Variants in SLC7A9 observed in about 807,000 individuals in gnomAD.
SLC7A9 encodes solute carrier family 7 member 9.
In SLC7A9, 38 loss-of-function variants were observed where a neutral mutation model predicts 54.1. The observed-to-expected ratio is 0.70, with a 90% confidence interval of 0.54 to 0.92. The LOEUF (loss-of-function observed/expected upper bound fraction) is 0.92, where lower values mean the gene tolerates loss of function less well. SLC7A9 is among the 40% of genes least tolerant of loss of function. The pLI, the probability that SLC7A9 is intolerant of heterozygous loss-of-function variation, is 0.00. For missense variants in SLC7A9, 537 were observed against 636.1 expected (o/e 0.84, Z 1.68); for synonymous variants, 264 against 258.9 (o/e 1.02, Z -0.19).
In SLC7A9 at chr19:32,864,677, C is replaced by T. The variant is rs1395997436; in HGVS notation, c.187G>A (p.Gly63Arg). ...GCCGCCCATATGATGAGGCAGGGCC[C>T]CACAGCTTCCGTGTTGCTGAGCACA... is the stretch of plus-strand genomic sequence containing the variant. ...KSVLSNTEAV[G>R]PCLIIWAACG... Residue 63 changes from glycine (G) to arginine (R), a missense_variant, in exon 3 of 13, where the codon GGG (glycine) becomes AGG (arginine). By Grantham distance (125) the Gly-to-Arg change is moderately radical (BLOSUM62 -2). Coordinates refer to ENST00000023064, the MANE Select transcript of SLC7A9 (RefSeq NM_014270.5). 2.5e-6 allele frequency: 4 copies of T among 1,614,160 alleles called. No individual in the cohort carries two copies. Among genetic ancestry groups the T allele is most frequent in the Non-Finnish European group, 2.5e-6 (3 of 1,180,034 alleles).
intron 2 of SLC7A9, among the ~76,000 whole-genome samples, chr19:32,865,417 A>G (rs977886010): frequency 2.0e-5 from 3 of 152,022 alleles, no homozygotes; most frequent in African/African-American, 7.2e-5. Context: ...AATCCTCCCA[A>G]CTCAGCCTCC....
At chr19:32,844,450 C>G (rs919670172) in intron 9 of SLC7A9, among the ~76,000 whole-genome samples, 1 of 152,092 alleles carries the variant, frequency 6.6e-6, no homozygotes, top group Admixed American at 6.6e-5. Flanking sequence ...TATCCTTTAG[C>G]AAGTCTCTCT....
rs112676049 is a variant in SLC7A9, at chr19:32,843,960, T to C, written c.978-9A>G. 8.1e-6 allele frequency: 13 copies of C among 1,605,180 alleles called. 1 individual carries two copies. In the African/African-American group the frequency reaches 1.3e-4, roughly 17 times the overall value. On this transcript the variant is annotated splice_polypyrimidine_tract_variant and intron_variant, in intron 9 of 12. Transcript: ENST00000023064. ...CCGCCACGTAAATGAGTCTGGAAAATAACGACACGGGAGTCCGCTGACCAG... is the reference window on the plus strand; with the variant it reads ...CCGCCACGTAAATGAGTCTGGAAAACAACGACACGGGAGTCCGCTGACCAG...
rs2287876 is a variant in SLC7A9, at chr19:32,869,746, A to T, written c.-172T>A. The T allele has an allele frequency of 0.63, 96,354 of 151,986 alleles. 32,093 individuals carry two copies. Among genetic ancestry groups the T allele is most frequent in the Non-Finnish European group, 0.75 (50,801 of 68,016 alleles). The allele number at this position is 151,986 out of a possible 1,614,324, so 9.4% of individuals were successfully genotyped here. On this transcript the variant is annotated 5_prime_UTR_variant, in exon 1 of 13. Coordinates refer to ENST00000023064, the MANE Select transcript of SLC7A9 (RefSeq NM_014270.5). ...GGCCCAGCTGACCGCCCGTGCCTGC[A>T]CGGTCCAACCCTAGAAATGGCCATG...
chr19:32,855,426 G>A (rs567417404), intron 9 of SLC7A9, among the ~76,000 whole-genome samples: 44 of 152,274 alleles, frequency 2.9e-4, no homozygotes, highest in East Asian at 1.5e-3. Context: ...GCAGCCGGGC[G>A]CGGTGGCTCA....
At chr19:32,845,181 T>C (rs1021061891) in intron 9 of SLC7A9, among the ~76,000 whole-genome samples, 1 of 128,472 alleles carries the variant, frequency 7.8e-6, no homozygotes, top group African/African-American at 3.1e-5. Flanking sequence ...TAAAAATAAA[T>C]AAGAGGAGAA....
chr19:32,830,963 A>C (rs531411167), intron 12 of SLC7A9, among the ~76,000 whole-genome samples: 1 of 152,262 alleles, frequency 6.6e-6, no homozygotes, highest in Admixed American at 6.5e-5. Context: ...CAGGAGAAAC[A>C]GGCAGGCTTT....
Position 32,833,262 on chromosome 19 carries a change from A to T in SLC7A9, c.1286T>A (p.Ile429Asn), listed in dbSNP as rs1369139291. The T allele has an allele frequency of 6.2e-7, 1 of 1,614,206 alleles. No individual in the cohort carries two copies. The highest frequency in any genetic ancestry group is 8.5e-7 in the Non-Finnish European group (1 of 1,180,024). Reference protein sequence around the residue: ...LISVFLVLAPIISKPTWEYLY... With the variant: ...LISVFLVLAPNISKPTWEYLY... ...GTACTCCCAGGTGGGCTTGCTGATG[A>T]TTGGAGCCAGAACCAAAAACACAGA... is the stretch of plus-strand genomic sequence containing the variant. Residue 429 changes from isoleucine to asparagine, a missense_variant, in exon 12 of 13, where the codon ATC (isoleucine) becomes AAC (asparagine). Transcript: ENST00000023064.
chr19:32,865,949 A>G (rs1235013992), intron 2 of SLC7A9, among the ~76,000 whole-genome samples: 2 of 78,490 alleles, frequency 2.5e-5, no homozygotes, highest in Non-Finnish European at 2.4e-5. Flanking sequence ...GGTGACAGTG[A>G]GACTGTCTCA....
intron 8 of SLC7A9, among the ~76,000 whole-genome samples, chr19:32,858,747 C>G (rs1347501329): frequency 7.1e-6 from 1 of 140,420 alleles, no homozygotes; most frequent in African/African-American, 2.6e-5. Context: ...AGTCTCTTAT[C>G]TACTACTCCC....
intron 8 of SLC7A9, among the ~76,000 whole-genome samples, chr19:32,858,902 C>T (rs1244769741): frequency 6.6e-6 from 1 of 150,978 alleles, no homozygotes; most frequent in African/African-American, 2.4e-5. Context: ...GATGCTCGTG[C>T]CTCAGCCTCC....
chr19:32,858,847 G>T (rs532821894), intron 8 of SLC7A9, among the ~76,000 whole-genome samples: 1 of 151,878 alleles, frequency 6.6e-6, no homozygotes, highest in East Asian at 1.9e-4. Context: ...GGAGTGCAAT[G>T]TTGCTGTCTC....
chr19:32,860,392 A>G (rs1968763353), intron 7 of SLC7A9: 2 of 1,352,584 alleles, frequency 1.5e-6, no homozygotes, highest in Non-Finnish European at 1.9e-6. Flanking sequence ...TCTCATCTCT[A>G]CTAAAAAAAT....
chr19:32,833,453 T>C, intron 11 of SLC7A9, 130 bp from the exon 12 acceptor site: 1 of 943,566 alleles, frequency 1.1e-6, no homozygotes, highest in South Asian at 1.4e-5. Flanking sequence ...TTTAATGTAA[T>C]TTTGCCAATC....
chr19:32,862,150 C>G lies in SLC7A9; in HGVS notation c.672G>C (p.Ala224=). 6.2e-7 allele frequency: 1 copy of G among 1,613,646 alleles called. No individual in the cohort carries two copies. Among genetic ancestry groups the G allele is most frequent in the South Asian group, 1.1e-5 (1 of 91,074 alleles). The change falls in exon 6 of 13, where the codon GCG becomes GCC. Residue 224 remains alanine (A), a synonymous_variant. Coordinates refer to ENST00000023064, the MANE Select transcript of SLC7A9 (RefSeq NM_014270.5). ...CATAGGCCCAGAGTCCATTGTAAAA[C>G]GCCAGGCTGATGGCTCCCACAGACA... ...AQLSVGAISL[A]FYNGLWAYDG...
At chr19:32,857,700 C>A (rs576474961) in intron 9 of SLC7A9, among the ~76,000 whole-genome samples, 57 of 152,126 alleles carry the variant, frequency 3.7e-4, no homozygotes, top group Non-Finnish European at 7.4e-4. Context: ...ACTGCGGCAA[C>A]GTTCATGGAA....
chr19:32,865,953 T>TCC lies in SLC7A9; in HGVS notation c.88-1178_88-1177insGG, dbSNP rs1568533384. 1.8e-5 allele frequency among the ~76,000 whole-genome samples: 2 copies of TCC among 108,822 alleles called. 1 individual carries two copies. Among genetic ancestry groups the TCC allele is most frequent in the Non-Finnish European group, 3.6e-5 (2 of 55,032 alleles). 71.4% of individuals were successfully genotyped at this position (108,822 alleles called of 152,430 possible). ...ACTCCAGCCTGGGTGACAGTGAGAC[T>TCC]GTCTCAAAAAAAAAAAAAAAAACCT... On this transcript the variant is annotated intron_variant, in intron 2 of 12. Coordinates refer to ENST00000023064, the MANE Select transcript of SLC7A9 (RefSeq NM_014270.5).
chr19:32,868,491 G>C lies in SLC7A9; in HGVS notation c.44C>G (p.Ser15Trp). 23 of 1,614,012 alleles carry C rather than the reference G, an allele frequency of 1.4e-5. No individual in the cohort carries two copies. Among genetic ancestry groups the C allele is most frequent in the Non-Finnish European group, 1.9e-5 (23 of 1,179,988 alleles). ...GGTCTTAGGCTCTTGGCTCTGGATC[G>C]ACTTCTCATCCTCTCTCCGCTTTCT... Reference protein sequence around the residue: ...GLRKRREDEKSIQSQEPKTTS... With the variant: ...GLRKRREDEKWIQSQEPKTTS... The change falls in exon 2 of 13, where the codon TCG (serine) becomes TGG (tryptophan). Residue 15 changes from serine to tryptophan, a missense_variant. Transcript: ENST00000023064.
At chr19:32,836,738 C>T (rs890270549) in intron 11 of SLC7A9, among the ~76,000 whole-genome samples, 2 of 152,120 alleles carry the variant, frequency 1.3e-5, no homozygotes, top group Non-Finnish European at 2.9e-5. Context: ...TTTCTCCCTC[C>T]GTGGATTTCC....
Sources: allele counts gnomAD v4.1 joint callset (sites outside exome capture counted in the v4.1 genomes callset), GRCh38; gene constraint gnomAD v4.1.1; transcripts MANE v1.5; gene names NCBI Gene and HGNC (gene_info 2026-07-23, HGNC 2026-07-21).